The following ARSB variants were observed in gnomAD, a reference collection of about 807,000 sequenced individuals.
ARSB encodes the protein N-acetylgalactosamine-4-sulfatase.
In ARSB, 41 loss-of-function variants were observed where a neutral mutation model predicts 50.9. The observed-to-expected ratio is 0.81, with a 90% CI of 0.63 to 1.04. The LOEUF is 1.04. ARSB is among the 50% of genes least tolerant of loss of function. ARSB has a pLI of 0.00. For missense variants in ARSB, 672 were observed against 693.3 expected, an observed-to-expected ratio of 0.97 and a Z score of 0.35; for synonymous variants, 269 against 284.8, an observed-to-expected ratio of 0.94 and a Z score of 0.56.
At chr5:78,904,849 T>C (rs1248307767) in intron 4 of ARSB, among the ~76,000 whole-genome samples, 4 of 151,932 alleles carry the variant, frequency 2.6e-5, no homozygotes, top group Admixed American at 2.6e-4. Context: ...CCACCACACC[T>C]GACTAATTTT....
chr5:78,834,858 C>G (rs2112705754), intron 6 of ARSB, among the ~76,000 whole-genome samples: 1 of 151,870 alleles, frequency 6.6e-6, no homozygotes, highest in South Asian at 2.1e-4. Context: ...AGTAATCACA[C>G]AATGTTATTG....
chr5:78,945,104 G>A (rs1751155516), intron 4 of ARSB, among the ~76,000 whole-genome samples: 1 of 152,194 alleles, frequency 6.6e-6, no homozygotes, highest in African/African-American at 2.4e-5. Flanking sequence ...CTCCTGGTGT[G>A]CCGTTTGCTA....
rs1392433023 is a variant in ARSB at position 78,964,460 on chromosome 5, T to A, written c.646A>T (p.Thr216Ser). The A allele has an allele frequency of 6.2e-7, 1 of 1,614,078 alleles. No homozygotes were observed. The highest frequency in any genetic ancestry group is 1.7e-5 in the Admixed American group (1 of 60,030). ...GTTATGAGGGCTATAGCCCTTTTGGTGAATATGTTTGTTGAATACATATTT... is the reference window on the plus strand; with the variant it reads ...GTTATGAGGGCTATAGCCCTTTTGGAGAATATGTTTGTTGAATACATATTT... Reference protein sequence around the residue: ...YKNMYSTNIFTKRAIALITNH... With the variant: ...YKNMYSTNIFSKRAIALITNH... The change falls in exon 3 of 8, where the codon ACC (threonine) becomes TCC (serine). Residue 216 changes from threonine to serine, a missense_variant. Physicochemically the swap from Thr to Ser is moderately conservative, Grantham distance 58. Coordinates refer to ENST00000264914, the MANE Select transcript of ARSB (RefSeq NM_000046.5).
At chr5:78,943,049 T>A (rs942896018) in intron 4 of ARSB, among the ~76,000 whole-genome samples, 2 of 152,232 alleles carry the variant, frequency 1.3e-5, no homozygotes, top group African/African-American at 2.4e-5. Flanking sequence ...CTTCTTTGTC[T>A]CCTTTGATCT....
At chr5:78,890,251 C>CT (rs55797488) in intron 4 of ARSB, among the ~76,000 whole-genome samples, 4,409 of 134,868 alleles carry the variant, frequency 0.033, 319 homozygotes, top group African/African-American at 0.097. Context: ...CAAATCTTAT[C>CT]TTTTTTTTTT....
chr5:78,896,154 T>C (rs956320732), intron 4 of ARSB, among the ~76,000 whole-genome samples: 1 of 152,168 alleles, frequency 6.6e-6, no homozygotes, highest in Non-Finnish European at 1.5e-5. Flanking sequence ...GCAGCTGAAC[T>C]GATGAATGTT....
At chr5:78,926,552 A>G (rs1750063473) in intron 4 of ARSB, among the ~76,000 whole-genome samples, 1 of 152,220 alleles carries the variant, frequency 6.6e-6, no homozygotes, top group Non-Finnish European at 1.5e-5. Flanking sequence ...GATGATGCTC[A>G]AAACTGGTTT....
At chr5:78,866,621 A>G (rs1263579499) in intron 5 of ARSB, among the ~76,000 whole-genome samples, 1 of 152,206 alleles carries the variant, frequency 6.6e-6, no homozygotes, top group Non-Finnish European at 1.5e-5. Context: ...AGTAGCTTGG[A>G]TAAGGAAGTG....
intron 1 of ARSB, 38 bp from the exon 2 acceptor site, chr5:78,969,230 T>C (rs1752343789): frequency 1.9e-6 from 3 of 1,607,718 alleles, no homozygotes; most frequent in South Asian, 2.2e-5. Context: ...ATTAATGACA[T>C]TGAAATATTG....
In ARSB at chr5:78,965,767, A is replaced by G. The variant is rs372575082; in HGVS notation, c.500-1161T>C. On this transcript the variant is annotated intron_variant, in intron 2 of 7. Transcript: ENST00000264914. Reference sequence around the variant, plus strand: ...TCTTCAGTCCTGAACTTTCCCTATAATGAAAATTAAGAGCTTTACATAGTT... The same window carrying G: ...TCTTCAGTCCTGAACTTTCCCTATAGTGAAAATTAAGAGCTTTACATAGTT... 1.1e-3 allele frequency among the ~76,000 whole-genome samples: 163 copies of G among 152,318 alleles called. 1 individual carries two copies. Among genetic ancestry groups the G allele is most frequent in the African/African-American group, 3.8e-3 (158 of 41,574 alleles).
intron 6 of ARSB, chr5:78,783,320 A>G (rs139246704): frequency 6.6e-6 from 1 of 151,886 alleles, no homozygotes; most frequent in African/African-American, 2.4e-5. Context: ...TCCTCACCCA[A>G]GCAGGACTTC....
intron 4 of ARSB, among the ~76,000 whole-genome samples, chr5:78,916,529 C>T (rs1300741198): frequency 1.3e-5 from 2 of 152,164 alleles, no homozygotes; most frequent in Non-Finnish European, 2.9e-5. Flanking sequence ...TGTTTCCTTC[C>T]CATCCCCAAA....
chr5:78,970,870 AG>A (rs201414245), intron 1 of ARSB, among the ~76,000 whole-genome samples: 2,594 of 152,252 alleles, frequency 0.017, 41 homozygotes, highest in South Asian at 0.079. Context: ...CTGAGGTGGG[AG>A]GATCACTTGA....
At chr5:78,896,026 G>A (rs993815058) in intron 4 of ARSB, among the ~76,000 whole-genome samples, 1 of 152,320 alleles carries the variant, frequency 6.6e-6, no homozygotes, top group Non-Finnish European at 1.5e-5. Context: ...TGAGAGGATA[G>A]CAAGACTCCC....
intron 1 of ARSB, among the ~76,000 whole-genome samples, chr5:78,970,508 C>T (rs1360151392): frequency 6.6e-6 from 1 of 152,082 alleles, no homozygotes; most frequent in Non-Finnish European, 1.5e-5. Context: ...TCCCTGGGGT[C>T]CTCAATAATT....
At chr5:78,798,265 T>C (rs1278128718) in intron 6 of ARSB, among the ~76,000 whole-genome samples, 1 of 152,014 alleles carries the variant, frequency 6.6e-6, no homozygotes, top group Non-Finnish European at 1.5e-5. Context: ...CAGATGCTAA[T>C]CGAATACAGA....
chr5:78,877,007 G>C lies in ARSB; in HGVS notation c.1142+8577C>G, dbSNP rs189763072. Among the ~76,000 whole-genome samples the C allele has an allele frequency of 1.5e-3, 224 of 152,222 alleles. 5 individuals are homozygous for C. The South Asian group carries it at 0.031, about 21-fold the overall frequency. On this transcript the variant is annotated intron_variant, in intron 5 of 7. Transcript: ENST00000264914. The stretch of plus-strand genomic sequence containing the variant: ...AACTATCCCCCGACCAACCCTGGTC[G>C]GTGGAAAAATTGTCTCTCACAAAAC...
At chr5:78,819,781 G>A (rs1744138260) in intron 6 of ARSB, among the ~76,000 whole-genome samples, 1 of 152,244 alleles carries the variant, frequency 6.6e-6, no homozygotes, top group African/African-American at 2.4e-5. Flanking sequence ...GAGGAAAAAG[G>A]CAGAGCCAAG....
chr5:78,911,592 A>G lies in ARSB; in HGVS notation c.899-25765T>C, dbSNP rs1465672337. ...CCCTCTAAAAAAAAAAAAAAAAAAA[A>G]AAAAAAAAAAAAAAAAAAAGAATAA... On this transcript the variant is annotated intron_variant, in intron 4 of 7. Coordinates refer to ENST00000264914, the MANE Select transcript of ARSB (RefSeq NM_000046.5). Among the ~76,000 whole-genome samples, 119 of 87,710 alleles carry G rather than the reference A, an allele frequency of 1.4e-3. 1 individual carries two copies. Among genetic ancestry groups the G allele is most frequent in the East Asian group, 2.2e-3 (7 of 3,198 alleles). 57.5% of individuals were successfully genotyped at this position (87,710 alleles called of 152,430 possible).
Sources: gnomAD v4.1 joint callset for allele counts (sites outside exome capture counted in the v4.1 genomes callset) on GRCh38, gnomAD v4.1.1 for gene constraint, MANE v1.5 for transcripts, NCBI Gene and HGNC (gene_info 2026-07-23, HGNC 2026-07-21) for gene names.